The following PADI2 variants were observed in gnomAD, a reference collection of about 807,000 sequenced individuals.
The protein encoded by PADI2 is peptidyl arginine deiminase 2, also known as protein-arginine deiminase type-2.
A neutral mutation model predicts 81.1 loss-of-function variants in PADI2; 70 were observed. That is an observed-to-expected ratio of 0.86 (90% CI 0.71 to 1.05). PADI2 has a LOEUF of 1.05. PADI2 is among the 50% of genes least tolerant of loss of function. PADI2 has a pLI of 0.00. For synonymous variants in PADI2, 338 were observed against 358.0 expected (o/e 0.94, Z 0.63); for missense variants, 853 against 889.9 (o/e 0.96, Z 0.53).
chr1:17,075,568 C>T (rs1439121477), intron 12 of PADI2, 111 bp downstream of exon 12: 28 of 1,016,808 alleles, frequency 2.8e-5, no homozygotes, highest in Non-Finnish European at 4.0e-5. Context: ...CCTACTTCCT[C>T]CTTCCTTTAT....
At chr1:17,111,064 C>T (rs528501654) in intron 1 of PADI2, among the ~76,000 whole-genome samples, 1 of 150,552 alleles carries the variant, frequency 6.6e-6, no homozygotes, top group East Asian at 2.0e-4. Context: ...ATTCCCTGGG[C>T]CCATGGAAAA....
At position 17,067,617 on chromosome 1, in the gene PADI2, G is replaced by T. The variant is rs996768176; in HGVS notation, c.*1427C>A. On this transcript the variant is annotated 3_prime_UTR_variant, in exon 16 of 16. Transcript: ENST00000375486. ...TGGCCTTTAAATGTGGGCTTTGCAT[G>T]TTGGGGAGTGATGGGTTCCATGCCA... 1 of 152,252 alleles carries T rather than the reference G, an allele frequency of 6.6e-6. No homozygotes were observed. Among genetic ancestry groups the T allele is most frequent in the Non-Finnish European group, 1.5e-5 (1 of 68,062 alleles). The allele number at this position is 152,252 out of a possible 1,614,324, so 9.4% of individuals were successfully genotyped here.
rs1401732847 is a variant in PADI2, at chr1:17,111,080, AC to A, written c.93-6020del. 3.4e-5 allele frequency among the ~76,000 whole-genome samples: 4 copies of A among 117,678 alleles called. No individual in the cohort carries two copies. The East Asian group carries it at 9.7e-4, about 28-fold the overall frequency. 77.2% of individuals were successfully genotyped at this position (117,678 alleles called of 152,430 possible). The stretch of plus-strand genomic sequence containing the variant: ...TTCCCTGGGCCCATGGAAAAGACAG[AC>A]CTTTTTTTTTTTTTTTTTTTTTTTG... On this transcript the variant is annotated intron_variant, in intron 1 of 15. Transcript: ENST00000375486.
At chr1:17,071,248 G>A (rs1440302467) in intron 14 of PADI2, among the ~76,000 whole-genome samples, 158 bp downstream of exon 14, 1 of 152,216 alleles carries the variant, frequency 6.6e-6, no homozygotes, top group Admixed American at 6.5e-5. Context: ...CAAGGAGGCT[G>A]GCTGGATGCT....
At chr1:17,091,022 T>C (rs1476996494) in intron 6 of PADI2, among the ~76,000 whole-genome samples, 1 of 151,882 alleles carries the variant, frequency 6.6e-6, no homozygotes, top group African/African-American at 2.4e-5. Context: ...GCCTGGATGG[T>C]GTCAACATCA....
At chr1:17,102,295 A>T (rs1931169884) in intron 3 of PADI2, among the ~76,000 whole-genome samples, 1 of 152,190 alleles carries the variant, frequency 6.6e-6, no homozygotes, top group Non-Finnish European at 1.5e-5. Context: ...GAAAATTCAG[A>T]TGATCACAGC....
chr1:17,069,989 C>T, intron 15 of PADI2, 99 bp downstream of exon 15: 1 of 1,378,528 alleles, frequency 7.3e-7, no homozygotes, highest in Non-Finnish European at 9.8e-7. Context: ...AGGATTGGGA[C>T]CTGGGCCTCC....
At chr1:17,086,752 G>C (rs1005707663) in intron 6 of PADI2, 53 bp from the exon 7 acceptor site, 2 of 1,533,270 alleles carry the variant, frequency 1.3e-6, no homozygotes, top group Non-Finnish European at 1.8e-6. Flanking sequence ...AAAGAGGTCG[G>C]TGGGGTGGGA....
At chr1:17,114,336 G>A (rs968159750) in intron 1 of PADI2, among the ~76,000 whole-genome samples, 2 of 152,070 alleles carry the variant, frequency 1.3e-5, no homozygotes, top group African/African-American at 4.8e-5. Context: ...ACTCCAGGGA[G>A]GATCACAAAC....
intron 3 of PADI2, among the ~76,000 whole-genome samples, chr1:17,102,751 T>TGGGGG (rs3036928): frequency 2.2e-5 from 3 of 139,506 alleles, no homozygotes; most frequent in Non-Finnish European, 3.2e-5. Flanking sequence ...CCTTGACACT[T>TGGGGG]GGGGGGGGGT....
intron 3 of PADI2, among the ~76,000 whole-genome samples, chr1:17,101,917 A>T (rs1471571074): frequency 6.6e-6 from 1 of 152,250 alleles, no homozygotes; most frequent in Admixed American, 6.5e-5. Context: ...TTGGAAGAAG[A>T]GATTGAAATC....
chr1:17,095,273 T>A (rs1446971040), intron 4 of PADI2, among the ~76,000 whole-genome samples: 1 of 152,296 alleles, frequency 6.6e-6, no homozygotes, highest in East Asian at 1.9e-4. Context: ...CCATGCCGTC[T>A]GCACAAATTA....
chr1:17,090,733 G>T (rs1242742242), intron 6 of PADI2, among the ~76,000 whole-genome samples: 1 of 151,880 alleles, frequency 6.6e-6, no homozygotes, highest in East Asian at 1.9e-4. Context: ...CAAATAAGAG[G>T]CTCCAAGGGA....
intron 6 of PADI2, among the ~76,000 whole-genome samples, chr1:17,090,338 G>A (rs1426890864): frequency 6.6e-6 from 1 of 152,192 alleles, no homozygotes; most frequent in African/African-American, 2.4e-5. Context: ...AGCACCCCAA[G>A]GCTGGGGCTG....
intron 9 of PADI2, chr1:17,083,437 TGA>T (rs769858440): frequency 6.5e-5 from 26 of 397,048 alleles, no homozygotes; most frequent in Admixed American, 5.3e-4. Flanking sequence ...GTATCCATAT[TGA>T]GAGACTGGCT....
At chr1:17,099,632 T>C (rs1931070240) in intron 3 of PADI2, among the ~76,000 whole-genome samples, 1 of 152,084 alleles carries the variant, frequency 6.6e-6, no homozygotes, top group Non-Finnish European at 1.5e-5. Context: ...ATGAATTTGC[T>C]CCCAAATCCC....
rs1207115550 is a variant in PADI2 at position 17,069,107 on chromosome 1, G to A, written c.1935C>T (p.Val645=). ...ISAYHKFLGE[V]HCGTNVRRKP... Reference sequence around the variant, plus strand: ...TCCTGCGGACGTTGGTGCCACAGTGGACTTCCCCCAGAAATTTGTGGTAGG... The same window carrying A: ...TCCTGCGGACGTTGGTGCCACAGTGAACTTCCCCCAGAAATTTGTGGTAGG... The change falls in exon 16 of 16, where the codon GTC becomes GTT. Residue 645 remains valine, a synonymous_variant. Coordinates refer to ENST00000375486, the MANE Select transcript of PADI2 (RefSeq NM_007365.3). 5.6e-6 allele frequency: 9 copies of A among 1,614,212 alleles called. No individual in the cohort carries two copies. The highest frequency in any genetic ancestry group is 2.2e-5 in the East Asian group (1 of 44,882).
intron 11 of PADI2, among the ~76,000 whole-genome samples, chr1:17,076,955 T>A (rs1455645054): frequency 6.6e-6 from 1 of 152,040 alleles, no homozygotes; most frequent in Non-Finnish European, 1.5e-5. Flanking sequence ...CTCCTTAGGG[T>A]GGCCAACAAA....
At chr1:17,108,802 G>C (rs561096756) in intron 1 of PADI2, among the ~76,000 whole-genome samples, 1 of 152,294 alleles carries the variant, frequency 6.6e-6, no homozygotes, top group East Asian at 1.9e-4. Context: ...AAGTTATTAA[G>C]AAAAATGTGA....
Sources: gnomAD v4.1 joint callset for allele counts (sites outside exome capture counted in the v4.1 genomes callset) on GRCh38, gnomAD v4.1.1 for gene constraint, MANE v1.5 for transcripts, NCBI Gene and HGNC (gene_info 2026-07-23, HGNC 2026-07-21) for gene names.